The following NOL4L variants were observed in gnomAD, a reference collection of about 807,000 sequenced individuals.
The protein encoded by NOL4L is nucleolar protein 4-like.
A neutral mutation model predicts 64.5 loss-of-function variants in NOL4L; 7 were observed. The ratio of observed to expected loss-of-function variants is 0.11; its 90% CI spans 0.06 to 0.20. NOL4L has a LOEUF of 0.20. Ranked by LOEUF, NOL4L falls within the 10% of genes least tolerant of loss-of-function variation. The pLI is 1.00. For missense variants in NOL4L, 680 were observed against 967.1 expected, an observed-to-expected ratio of 0.70 and a Z score of 3.94; for synonymous variants, 413 against 401.0, an observed-to-expected ratio of 1.03 and a Z score of -0.36.
chr20:32,459,486 C>G (rs140913154), intron 5 of NOL4L, among the ~76,000 whole-genome samples: 1 of 151,238 alleles, frequency 6.6e-6, no homozygotes, highest in African/African-American at 2.4e-5. Flanking sequence ...CAGGTTCAAG[C>G]GATTCTCCTG....
At chr20:32,540,433 A>G (rs953563843) in intron 1 of NOL4L, among the ~76,000 whole-genome samples, 2 of 152,172 alleles carry the variant, frequency 1.3e-5, no homozygotes, top group African/African-American at 4.8e-5. Flanking sequence ...CTCACACACA[A>G]TTACACGCAG....
At chr20:32,455,501 C>T (rs974183587) in intron 6 of NOL4L, among the ~76,000 whole-genome samples, 1 of 152,214 alleles carries the variant, frequency 6.6e-6, no homozygotes, top group Non-Finnish European at 1.5e-5. Flanking sequence ...GCACCTCTGG[C>T]CCCCGGGCCC....
chr20:32,561,325 C>G (rs1439580164), intron 1 of NOL4L: 2 of 152,270 alleles, frequency 1.3e-5, no homozygotes, highest in Non-Finnish European at 2.9e-5. Context: ...CCACGGGCGG[C>G]CCAGCCGAGG....
chr20:32,507,265 A>AT lies in NOL4L; in HGVS notation c.699+4081dup, dbSNP rs1473449008. Among the ~76,000 whole-genome samples the AT allele has an allele frequency of 2.0e-5, 3 of 152,014 alleles. No homozygotes were observed. The South Asian group carries it at 6.2e-4, about 32-fold the overall frequency. ...CTCTTTGATCAGACCACACTCCACTATTTTCTGCTCAGTGTGGCCACTTTG... is the reference window on the plus strand; with the variant it reads ...CTCTTTGATCAGACCACACTCCACTATTTTTCTGCTCAGTGTGGCCACTTTG... On this transcript the variant is annotated intron_variant, in intron 4 of 10. Coordinates refer to ENST00000621426, the MANE Select transcript of NOL4L (RefSeq NM_001256798.2).
At chr20:32,535,785 G>A (rs2018501175) in intron 1 of NOL4L, 1 of 985,470 alleles carries the variant, frequency 1.0e-6, no homozygotes, top group African/African-American at 1.7e-5. Flanking sequence ...AGAGAAAGGG[G>A]CACAGTGGGC....
At chr20:32,525,800 C>T (rs1465557280) in intron 2 of NOL4L, among the ~76,000 whole-genome samples, 1 of 152,182 alleles carries the variant, frequency 6.6e-6, no homozygotes, top group Non-Finnish European at 1.5e-5. Flanking sequence ...CTCTGTCACC[C>T]TGGCTGAAGT....
At chr20:32,482,816 C>G (rs1402030094) in intron 4 of NOL4L, among the ~76,000 whole-genome samples, 2 of 150,274 alleles carry the variant, frequency 1.3e-5, no homozygotes, top group Non-Finnish European at 3.0e-5. Flanking sequence ...CAACGCTTCC[C>G]GTCCTCACAT....
intron 4 of NOL4L, chr20:32,510,058 C>T: frequency 1.3e-6 from 1 of 774,360 alleles, no homozygotes; most frequent in South Asian, 1.4e-5. Flanking sequence ...ACCCTCATTA[C>T]CGACACTCCT....
intron 4 of NOL4L, among the ~76,000 whole-genome samples, chr20:32,509,083 C>T (rs926319596): frequency 1.3e-5 from 2 of 152,168 alleles, no homozygotes; most frequent in Non-Finnish European, 2.9e-5. Context: ...CTCAGTCCAC[C>T]CTCCAAGCCC....
At chr20:32,578,181 A>C (rs1486598267) in intron 1 of NOL4L, among the ~76,000 whole-genome samples, 1 of 150,306 alleles carries the variant, frequency 6.7e-6, no homozygotes, top group South Asian at 2.1e-4. Flanking sequence ...GGAGGGAAGG[A>C]AGGAAAATTA....
At chr20:32,555,229 C>T (rs1039375347) in intron 1 of NOL4L, among the ~76,000 whole-genome samples, 2 of 152,166 alleles carry the variant, frequency 1.3e-5, no homozygotes, top group African/African-American at 4.8e-5. Flanking sequence ...CTGTTACGGC[C>T]TGAATTGTGC....
Position 32,485,058 on chromosome 20 carries a change from C to CAA in NOL4L, c.700-10318_700-10317dup, listed in dbSNP as rs57444583. 9.3e-3 allele frequency among the ~76,000 whole-genome samples: 166 copies of CAA among 17,800 alleles called. 5 individuals carry two copies. Among genetic ancestry groups the CAA allele is most frequent in the African/African-American group, 0.013 (73 of 5,754 alleles). 11.7% of individuals were successfully genotyped at this position (17,800 alleles called of 152,430 possible). A position where few individuals can be genotyped will look rare whatever the true frequency, so the allele number is the denominator to read the frequency against. ...TCGTGGAATTCTGTGGGGAAATTGC[C>CAA]AAAAAAAAAAAAAAAAAAAAAAAAA... is the stretch of plus-strand genomic sequence containing the variant. On this transcript the variant is annotated intron_variant, in intron 4 of 10. Transcript: ENST00000621426.
chr20:32,458,356 C>G (rs574375951), intron 5 of NOL4L, among the ~76,000 whole-genome samples: 1 of 152,238 alleles, frequency 6.6e-6, no homozygotes, highest in Non-Finnish European at 1.5e-5. Flanking sequence ...CCACTTCAGG[C>G]TGGCACTTTT....
chr20:32,528,675 A>G (rs573298158), intron 1 of NOL4L, among the ~76,000 whole-genome samples: 1 of 152,308 alleles, frequency 6.6e-6, no homozygotes, highest in Admixed American at 6.5e-5. Context: ...TCCAGCAGGA[A>G]AGGGGGCTGC....
chr20:32,456,945 G>A (rs1022961899), intron 5 of NOL4L, among the ~76,000 whole-genome samples: 42 of 152,234 alleles, frequency 2.8e-4, no homozygotes, highest in Non-Finnish European at 5.7e-4. Flanking sequence ...ACTCCCTCCT[G>A]TAAGCAAGCC....
At chr20:32,487,292 TAAC>T (rs1315211052) in intron 4 of NOL4L, among the ~76,000 whole-genome samples, 1 of 147,364 alleles carries the variant, frequency 6.8e-6, no homozygotes, top group Non-Finnish European at 1.5e-5. Flanking sequence ...GAGAGAGAAA[TAAC>T]AACTAAACTT....
rs1568647758 is a variant in NOL4L at position 32,488,786 on chromosome 20, CCTTCCTTTCTTTCTTTCTTTTTCTTT to C, written c.700-14070_700-14045del. On this transcript the variant is annotated intron_variant, in intron 4 of 10. Transcript: ENST00000621426. Reference sequence around the variant, plus strand: ...TCCTTCCTTCCTTCCTTCCTTCCTTCCTTCCTTTCTTTCTTTCTTTTTCTTTCTTTCTTTCTTTCTTTTTCTTTCTT... The same window carrying C: ...TCCTTCCTTCCTTCCTTCCTTCCTTCCTTTCTTTCTTTCTTTTTCTTTCTT... 4.9e-3 allele frequency among the ~76,000 whole-genome samples: 267 copies of C among 54,600 alleles called. 9 individuals carry two copies. The highest frequency in any genetic ancestry group is 0.014 in the Middle Eastern group (2 of 142). The allele number at this position is 54,600 out of a possible 152,430, so 35.8% of individuals were successfully genotyped here.
chr20:32,450,333 C>T (rs1568588827), intron 10 of NOL4L: 1 of 152,500 alleles, frequency 6.6e-6, no homozygotes, highest in East Asian at 1.9e-4. Flanking sequence ...TGCCTGTTGT[C>T]TTCCTTCAAC....
At position 32,463,091 on chromosome 20, in the gene NOL4L, C is replaced by G. The variant is rs906447843; in HGVS notation, c.842-6696G>C. ...ACAGTCCTGGGAGTTGCCGCTGACG[C>G]CCTCCTGGGCTCTGGCACTTTATGA... On this transcript the variant is annotated intron_variant, in intron 5 of 10. Coordinates refer to ENST00000621426, the MANE Select transcript of NOL4L (RefSeq NM_001256798.2). This position sits in a 1 kb window ranked among gnomAD's most constrained non-coding sequence, Gnocchi z 5.8. Among the ~76,000 whole-genome samples, 1 of 151,992 alleles carries G rather than the reference C, an allele frequency of 6.6e-6. No individual in the cohort carries two copies. Among genetic ancestry groups the G allele is most frequent in the African/African-American group, 2.4e-5 (1 of 41,374 alleles).
Sources: gnomAD v4.1 joint callset for allele counts (sites outside exome capture counted in the v4.1 genomes callset) on GRCh38, gnomAD v4.1.1 for gene constraint, Gnocchi (gnomAD v3.1) non-coding constraint, MANE v1.5 for transcripts, NCBI Gene and HGNC (gene_info 2026-07-23, HGNC 2026-07-21) for gene names.